Variants in WDR11 observed in about 807,000 individuals in gnomAD.
WDR11 encodes WD repeat domain 11.
Under a neutral mutation model 151.2 loss-of-function variants are expected in WDR11, and 83 were observed. The ratio of observed to expected loss-of-function variants is 0.55; its 90% confidence interval spans 0.46 to 0.66. The LOEUF is 0.66. WDR11 is among the 30% of genes least tolerant of loss of function. The pLI is 0.00. For synonymous variants in WDR11, 484 were observed against 533.1 expected (o/e 0.91, Z 1.27); for missense variants, 1,301 against 1,480.9 (o/e 0.88, Z 1.99).
At chr10:120,871,056 TTAAC>T in intron 9 of WDR11, 110 bp from the exon 10 acceptor site, 1 of 1,090,894 alleles carries the variant, frequency 9.2e-7, no homozygotes. Flanking sequence ...AAGTACTACA[TTAAC>T]TACATTATAC....
Position 120,860,357 on chromosome 10 carries a change from TA to T in WDR11, c.526+76del, listed in dbSNP as rs1235127063. ...ATAGTAATGCTATGTGCATGAGATA[TA>T]CACACACATTATACATCTATAATGT... On this transcript the variant is annotated intron_variant, in intron 4 of 28. Transcript: ENST00000263461. 3.3e-6 allele frequency: 5 copies of T among 1,494,324 alleles called. No homozygotes were observed. The African/African-American group carries it at 6.9e-5, about 21-fold the overall frequency. 92.6% of individuals were successfully genotyped at this position (1,494,324 alleles called of 1,614,324 possible). A position where few individuals can be genotyped will look rare whatever the true frequency, so the allele number is the denominator to read the frequency against.
chr10:120,888,994 A>T, intron 16 of WDR11, 84 bp from the exon 17 acceptor site: 3 of 1,074,438 alleles, frequency 2.8e-6, no homozygotes, highest in Non-Finnish European at 4.2e-6. Context: ...ACAGCCCTTT[A>T]AATTAAGTTT....
rs967486327 is a variant in WDR11 at position 120,904,631 on chromosome 10, C to T, written c.3028-15C>T. On this transcript the variant is annotated splice_polypyrimidine_tract_variant and intron_variant, in intron 24 of 28. Coordinates refer to ENST00000263461, the MANE Select transcript of WDR11 (RefSeq NM_018117.12). ...AAAATGTTCTCATAATTAGAAAAAC[C>T]GTTTCTCTTACTAGACAGACAGAGC... 14 of 1,613,812 alleles carry T rather than the reference C, an allele frequency of 8.7e-6. No individual in the cohort carries two copies. The highest frequency in any genetic ancestry group is 8.0e-5 in the African/African-American group (6 of 74,866).
chr10:120,860,118 G>A lies in WDR11; in HGVS notation c.362G>A (p.Trp121Ter). ...EHAKPIQDVQ[W>*]LWNQDASRDL... ...TATCGGGTCTTTCCAGATGTTCAGT[G>A]GTTGTGGAATCAAGATGCTTCCCGC... is the stretch of plus-strand genomic sequence containing the variant. Residue 121 changes from tryptophan (W) to a stop codon, truncating the protein, a stop_gained, in exon 4 of 29, where the codon TGG becomes TAG. Transcript: ENST00000263461. LOFTEE classifies it high-confidence loss of function. 6.2e-7 allele frequency: 1 copy of A among 1,614,152 alleles called. No individual in the cohort carries two copies. The highest frequency in any genetic ancestry group is 8.5e-7 in the Non-Finnish European group (1 of 1,180,038).
intron 9 of WDR11, among the ~76,000 whole-genome samples, chr10:120,868,296 A>T (rs933601943): frequency 1.3e-5 from 2 of 152,026 alleles, no homozygotes; most frequent in Non-Finnish European, 2.9e-5. Flanking sequence ...TCTACTAAAA[A>T]TATAAGAATT....
At chr10:120,902,345 G>C in intron 22 of WDR11, 23 bp downstream of exon 22, 6 of 1,601,316 alleles carry the variant, frequency 3.7e-6, no homozygotes, top group East Asian at 2.2e-5. Context: ...GATGTATTCT[G>C]TATAAGAGAC....
intron 9 of WDR11, among the ~76,000 whole-genome samples, chr10:120,867,775 T>C (rs1322366609): frequency 6.6e-6 from 1 of 152,224 alleles, no homozygotes; most frequent in Non-Finnish European, 1.5e-5. Context: ...CATGCCTGTT[T>C]TGTAGTAAAT....
At chr10:120,892,425 C>A (rs953935638) in intron 19 of WDR11, among the ~76,000 whole-genome samples, 1 of 152,108 alleles carries the variant, frequency 6.6e-6, no homozygotes, top group Admixed American at 6.5e-5. Flanking sequence ...AAATTCAGAA[C>A]AACCCTTAAT....
At chr10:120,894,247 T>C (rs1043556344) in intron 19 of WDR11, among the ~76,000 whole-genome samples, 18 of 152,192 alleles carry the variant, frequency 1.2e-4, no homozygotes, top group African/African-American at 4.3e-4. Context: ...TAGCCAGTTT[T>C]CCCCTCCCCA....
chr10:120,904,545 TG>T lies in WDR11; in HGVS notation c.3028-100del, dbSNP rs1590121961. Reference sequence around the variant, plus strand: ...AAACAAAATATTCAATTGCATTTTTTGAAAATGAGTGTTTTCCTTTAGTTTT... The same window carrying T: ...AAACAAAATATTCAATTGCATTTTTTAAAATGAGTGTTTTCCTTTAGTTTT... On this transcript the variant is annotated intron_variant, in intron 24 of 28. Coordinates refer to ENST00000263461, the MANE Select transcript of WDR11 (RefSeq NM_018117.12). 7.7e-6 allele frequency: 11 copies of T among 1,420,950 alleles called. No homozygotes were observed. The East Asian group carries it at 2.5e-4, about 33-fold the overall frequency. 88.0% of individuals were successfully genotyped at this position (1,420,950 alleles called of 1,614,324 possible).
At position 120,908,658 on chromosome 10, in the gene WDR11, G is replaced by A. The variant is rs865784937; in HGVS notation, c.3620G>A (p.Gly1207Asp). Residue 1207 changes from glycine to aspartate, a missense_variant, in exon 29 of 29, where the codon GGC (glycine) becomes GAC (aspartate). Gly to Asp is a moderately conservative substitution (Grantham distance 94). Coordinates refer to ENST00000263461, the MANE Select transcript of WDR11 (RefSeq NM_018117.12). ...TTTGCTTCAAAAGCCGGAGCAGCTGGCAAAGACTTATTGAATGAGCTTGAG... is the reference window on the plus strand; with the variant it reads ...TTTGCTTCAAAAGCCGGAGCAGCTGACAAAGACTTATTGAATGAGCTTGAG... ...VLFASKAGAA[G>D]KDLLNELESP... 1 of 1,614,180 alleles carries A rather than the reference G, an allele frequency of 6.2e-7. No individual in the cohort carries two copies. The highest frequency in any genetic ancestry group is 1.1e-5 in the South Asian group (1 of 91,084).
At chr10:120,861,846 C>T (rs1846151480) in intron 4 of WDR11, among the ~76,000 whole-genome samples, 1 of 152,068 alleles carries the variant, frequency 6.6e-6, no homozygotes, top group South Asian at 2.1e-4. Flanking sequence ...ATGGTGCTCC[C>T]TCCTTGACTA....
chr10:120,906,419 T>G, intron 27 of WDR11: 1 of 1,242,410 alleles, frequency 8.0e-7, no homozygotes, highest in Non-Finnish European at 1.0e-6. Flanking sequence ...CCATCACTAA[T>G]TGTGGAGCAT....
At chr10:120,867,196 T>A (rs1195595077) in intron 9 of WDR11, 27 bp downstream of exon 9, 1 of 1,537,708 alleles carries the variant, frequency 6.5e-7, no homozygotes, top group Admixed American at 1.7e-5. Context: ...TCTAACTCCA[T>A]GTTAAGTATT....
At chr10:120,898,314 T>G (rs1273835192) in intron 19 of WDR11, among the ~76,000 whole-genome samples, 4 of 152,220 alleles carry the variant, frequency 2.6e-5, no homozygotes, top group African/African-American at 9.7e-5. Flanking sequence ...TCTATTTAGA[T>G]TTTATAAAAT....
chr10:120,869,192 G>A (rs1846430949), intron 9 of WDR11, among the ~76,000 whole-genome samples: 1 of 141,926 alleles, frequency 7.0e-6, no homozygotes, highest in Non-Finnish European at 1.5e-5. Flanking sequence ...CTCACTGCAA[G>A]CTCCGCCTCC....
chr10:120,884,707 A>G (rs1476523009), intron 14 of WDR11, among the ~76,000 whole-genome samples: 1 of 152,146 alleles, frequency 6.6e-6, no homozygotes, highest in Non-Finnish European at 1.5e-5. Context: ...GGGAAAACAA[A>G]TTTTCCAGTG....
intron 19 of WDR11, among the ~76,000 whole-genome samples, chr10:120,897,291 A>G (rs953833889): frequency 6.6e-6 from 1 of 152,158 alleles, no homozygotes; most frequent in African/African-American, 2.4e-5. Flanking sequence ...GAAAATCACC[A>G]CTTTGCAGCC....
chr10:120,889,989 G>A lies in WDR11; in HGVS notation c.2323G>A (p.Glu775Lys). Residue 775 changes from glutamate (E) to lysine (K), a missense_variant, in exon 18 of 29, where the codon GAA (glutamate) becomes AAA (lysine). By Grantham distance (56) the Glu-to-Lys change is moderately conservative. Transcript: ENST00000263461. Reference sequence around the variant, plus strand: ...AATAGCAATGTACAATGATGGAGCTGAAGTGTGGGATACTAAAGAGGTAGG... The same window carrying A: ...AATAGCAATGTACAATGATGGAGCTAAAGTGTGGGATACTAAAGAGGTAGG... ...KLIAMYNDGA[E>K]VWDTKEVQMV... The A allele has an allele frequency of 6.2e-7, 1 of 1,612,414 alleles. No individual in the cohort carries two copies. The highest frequency in any genetic ancestry group is 8.5e-7 in the Non-Finnish European group (1 of 1,178,544).
Sources: allele counts gnomAD v4.1 joint callset (sites outside exome capture counted in the v4.1 genomes callset), GRCh38; gene constraint gnomAD v4.1.1; transcripts MANE v1.5; gene names NCBI Gene and HGNC (gene_info 2026-07-23, HGNC 2026-07-21).